Variants in MDN1 observed in about 807,000 individuals in gnomAD.
MDN1 encodes midasin.
Under a neutral mutation model 669.2 loss-of-function variants are expected in MDN1, and 266 were observed. The observed-to-expected ratio is 0.40, with a 90% CI of 0.36 to 0.44. MDN1 has a LOEUF of 0.44. Among genes scored for constraint, MDN1 ranks in the 20% least tolerant of loss-of-function variants. The pLI is 1.00. For synonymous variants in MDN1, 2,385 were observed against 2,457.1 expected (o/e 0.97, Z 0.87); for missense variants, 5,940 against 6,754.0 (o/e 0.88, Z 4.22).
chr6:89,758,229 A>G (rs1466499231), intron 19 of MDN1, 26 bp downstream of exon 19: 1 of 1,568,212 alleles, frequency 6.4e-7, no homozygotes, highest in South Asian at 1.1e-5. Context: ...GCAAAAAAGG[A>G]AAGTCTCCAA....
chr6:89,754,248 G>A lies in MDN1; in HGVS notation c.2817-18C>T, dbSNP rs577355596. ...TGTAGAAGCTACAAATAGAATAAAG[G>A]TCAGGCAATTTTATTTACTAATAAG... is the stretch of plus-strand genomic sequence containing the variant. On this transcript the variant is annotated intron_variant, in intron 20 of 101. Transcript: ENST00000369393. 312 of 1,605,872 alleles carry A rather than the reference G, an allele frequency of 1.9e-4. 1 individual carries two copies. In the South Asian group the frequency reaches 3.3e-3, roughly 17 times the overall value.
At chr6:89,769,711 T>A (rs1212597523) in intron 15 of MDN1, among the ~76,000 whole-genome samples, 1 of 152,174 alleles carries the variant, frequency 6.6e-6, no homozygotes, top group African/African-American at 2.4e-5. Context: ...AAAACCAAAT[T>A]CTAGTTAATC....
chr6:89,748,719 T>TA (rs141003255), intron 26 of MDN1, among the ~76,000 whole-genome samples: 47 of 147,312 alleles, frequency 3.2e-4, no homozygotes, highest in Admixed American at 6.1e-4. Flanking sequence ...GTTGATTGAT[T>TA]AAAAAAAAAA....
In MDN1 at chr6:89,723,638, T is replaced by C. The variant is rs1033365067; in HGVS notation, c.5671-19A>G. ...CGAAGACCTAGAAATCCAAAAATAA[T>C]ATGAAGAAATGCCTTTGTTTCTCTT... On this transcript the variant is annotated intron_variant, in intron 38 of 101. Transcript: ENST00000369393. 1 of 1,396,004 alleles carries C rather than the reference T, an allele frequency of 7.2e-7. No homozygotes were observed. Among genetic ancestry groups the C allele is most frequent in the South Asian group, 1.3e-5 (1 of 74,288 alleles). The allele number at this position is 1,396,004 out of a possible 1,614,324, so 86.5% of individuals were successfully genotyped here. A position where few individuals can be genotyped will look rare whatever the true frequency, so the allele number is the denominator to read the frequency against.
In MDN1 at chr6:89,707,392, ACT is replaced by A; in HGVS notation, c.7981_7982del (p.Ser2661CysfsTer7). On this transcript the variant is annotated frameshift_variant, in exon 52 of 102. Coordinates refer to ENST00000369393, the MANE Select transcript of MDN1 (RefSeq NM_014611.3). LOFTEE classifies it high-confidence loss of function. ...VSVGSKKLRE[S>X]VLRMSFEFHQ... The stretch of plus-strand genomic sequence containing the variant: ...GGAATTCAAAGGACATTCTCAAAAC[ACT>A]CTCTCTTAGCTTTTTGCTACCAACA... The A allele has an allele frequency of 3.1e-6, 5 of 1,613,204 alleles. No homozygotes were observed. Among genetic ancestry groups the A allele is most frequent in the Non-Finnish European group, 4.2e-6 (5 of 1,179,390 alleles).
At chr6:89,666,298 C>G (rs938823029) in intron 84 of MDN1, among the ~76,000 whole-genome samples, 32 of 152,154 alleles carry the variant, frequency 2.1e-4, no homozygotes, top group Non-Finnish European at 8.8e-5. Flanking sequence ...CAAGGTCTTG[C>G]TCTCTTGTCC....
intron 84 of MDN1, among the ~76,000 whole-genome samples, chr6:89,667,778 T>C (rs907814512): frequency 6.6e-6 from 1 of 151,798 alleles, no homozygotes; most frequent in East Asian, 1.9e-4. Flanking sequence ...AAAAAAAAAG[T>C]AAAAATCATT....
intron 72 of MDN1, 142 bp from the exon 73 acceptor site, chr6:89,683,472 GTTGTT>G: frequency 1.4e-6 from 1 of 698,364 alleles, no homozygotes; most frequent in East Asian, 2.7e-5. Context: ...AATATTAATA[GTTGTT>G]TTATTTTTAA....
At chr6:89,693,930 T>C (rs775317407) in intron 62 of MDN1, 144 bp downstream of exon 62, 1 of 687,438 alleles carries the variant, frequency 1.5e-6, no homozygotes, top group Non-Finnish European at 2.5e-6. Flanking sequence ...CATATTATTT[T>C]TCCTGACTAT....
At chr6:89,706,774 T>A (rs1475813666) in intron 52 of MDN1, among the ~76,000 whole-genome samples, 2 of 152,122 alleles carry the variant, frequency 1.3e-5, no homozygotes, top group Non-Finnish European at 2.9e-5. Context: ...AGTATTTAAG[T>A]ATAAAATGAA....
chr6:89,713,585 A>C (rs1358855789), intron 46 of MDN1, among the ~76,000 whole-genome samples: 2 of 152,196 alleles, frequency 1.3e-5, no homozygotes, highest in African/African-American at 4.8e-5. Context: ...TCTAATGCTG[A>C]CACACACTGA....
Position 89,754,143 on chromosome 6 carries a change from G to A in MDN1, c.2904C>T (p.Cys968=), listed in dbSNP as rs1259154743. 1 of 1,614,114 alleles carries A rather than the reference G, an allele frequency of 6.2e-7. No homozygotes were observed. The highest frequency in any genetic ancestry group is 8.5e-7 in the Non-Finnish European group (1 of 1,180,002). ...TGGAGGCTGCAAATCGCAGGGCCCG[G>A]CACAGAGTCCGAAGGCTGTAGTGAG... is the stretch of plus-strand genomic sequence containing the variant. ...HRPHYSLRTL[C]RALRFAASNP... is the part of the protein sequence containing the mutation. The change falls in exon 21 of 102, where the codon TGC becomes TGT. Residue 968 remains cysteine, a synonymous_variant. Coordinates refer to ENST00000369393, the MANE Select transcript of MDN1 (RefSeq NM_014611.3).
intron 10 of MDN1, among the ~76,000 whole-genome samples, chr6:89,780,891 C>T (rs547098142): frequency 5.3e-5 from 8 of 151,394 alleles, no homozygotes; most frequent in Admixed American, 2.0e-4. Context: ...TCTCATGATC[C>T]GCCCACCTCG....
chr6:89,681,237 G>A (rs534907916), intron 73 of MDN1, among the ~76,000 whole-genome samples: 1 of 152,068 alleles, frequency 6.6e-6, no homozygotes, highest in South Asian at 2.1e-4. Context: ...GCAGTGACCC[G>A]ATGTTGGCTC....
intron 100 of MDN1, 27 bp from the exon 101 acceptor site, chr6:89,645,184 G>A: frequency 3.2e-6 from 5 of 1,559,296 alleles, no homozygotes; most frequent in Non-Finnish European, 3.5e-6. Context: ...ACGAAGCAAG[G>A]GAATAAAATG....
chr6:89,645,291 T>G (rs907101597), intron 100 of MDN1, 134 bp from the exon 101 acceptor site: 2 of 952,432 alleles, frequency 2.1e-6, no homozygotes, highest in Non-Finnish European at 3.0e-6. Flanking sequence ...CTAAAGCTGA[T>G]GAATTCTGGG....
chr6:89,744,701 C>T (rs9353694), intron 29 of MDN1, among the ~76,000 whole-genome samples: 104,815 of 151,786 alleles, frequency 0.69, 36,764 homozygotes, highest in East Asian at 0.91. Context: ...CCACAACCAG[C>T]TGAGACTCTG....
chr6:89,811,776 A>T (rs1333767169), intron 1 of MDN1, among the ~76,000 whole-genome samples: 1 of 151,990 alleles, frequency 6.6e-6, no homozygotes, highest in East Asian at 1.9e-4. Flanking sequence ...GATTACTCCC[A>T]TAACATTCTT....
intron 14 of MDN1, 116 bp from the exon 15 acceptor site, chr6:89,771,737 C>G: frequency 1.2e-6 from 1 of 857,976 alleles, no homozygotes; most frequent in Non-Finnish European, 1.8e-6. Flanking sequence ...GAGACAGAGT[C>G]TTGTTCTGTC....
Sources: gnomAD v4.1 joint callset for allele counts (sites outside exome capture counted in the v4.1 genomes callset) on GRCh38, gnomAD v4.1.1 for gene constraint, MANE v1.5 for transcripts, NCBI Gene and HGNC (gene_info 2026-07-23, HGNC 2026-07-21) for gene names.